Variants in IFT88 observed in about 807,000 individuals in gnomAD.
IFT88 encodes intraflagellar transport 88.
IFT88 carries 74 observed loss-of-function variants against 119.5 expected under a neutral mutation model. The ratio of observed to expected loss-of-function variants is 0.62; its 90% CI spans 0.51 to 0.75. IFT88 has a LOEUF of 0.75. Among genes scored for constraint, IFT88 ranks in the 30% least tolerant of loss-of-function variants. IFT88 has a pLI of 0.00. For missense variants in IFT88, 961 were observed against 977.7 expected (o/e 0.98, Z 0.23); for synonymous variants, 279 against 316.7 (o/e 0.88, Z 1.26).
chr13:20,640,593 A>C (rs1246809089), intron 17 of IFT88, among the ~76,000 whole-genome samples: 1 of 151,190 alleles, frequency 6.6e-6, no homozygotes, highest in African/African-American at 2.4e-5. Context: ...TAAATAAATA[A>C]ATAAATAAAT....
chr13:20,646,556 GATCC>G (rs1184251759), intron 20 of IFT88, among the ~76,000 whole-genome samples: 4 of 151,992 alleles, frequency 2.6e-5, no homozygotes, highest in Non-Finnish European at 5.9e-5. Flanking sequence ...GACCTCAAGT[GATCC>G]ATTCGCCTCA....
At position 20,621,706 on chromosome 13, in the gene IFT88, G is replaced by T. The variant is rs1440504279; in HGVS notation, c.1200-4044G>T. ...CCTCACCAATATGCCATCCCAGTAT[G>T]GTACATTTGTTACAATCAATGAACC... On this transcript the variant is annotated intron_variant, in intron 14 of 25. Coordinates refer to ENST00000351808, the MANE Select transcript of IFT88 (RefSeq NM_006531.5). Among the ~76,000 whole-genome samples, 10 of 152,020 alleles carry T rather than the reference G, an allele frequency of 6.6e-5. No individual in the cohort carries two copies. The East Asian group carries it at 1.9e-3, about 29-fold the overall frequency.
chr13:20,578,034 CTTTTTTTT>C (rs57202566), intron 2 of IFT88, among the ~76,000 whole-genome samples: 9 of 55,872 alleles, frequency 1.6e-4, no homozygotes, highest in Non-Finnish European at 2.9e-4. Flanking sequence ...CTTGTTACTT[CTTTTTTTT>C]TTTTTTTTTT....
At chr13:20,682,020 T>C (rs2057378101) in intron 24 of IFT88, among the ~76,000 whole-genome samples, 1 of 152,262 alleles carries the variant, frequency 6.6e-6, no homozygotes, top group African/African-American at 2.4e-5. Context: ...GGAAAGTGAT[T>C]ATCAAGAACA....
At chr13:20,574,334 A>G (rs77872986) in intron 1 of IFT88, 46 bp from the exon 2 acceptor site, 16,602 of 1,042,294 alleles carry the variant, frequency 0.016, 198 homozygotes, top group Non-Finnish European at 0.021. Context: ...ATATATATAT[A>G]TATTTCTTAT....
chr13:20,661,230 G>A (rs2053726670), intron 22 of IFT88, among the ~76,000 whole-genome samples: 1 of 152,192 alleles, frequency 6.6e-6, no homozygotes, highest in Non-Finnish European at 1.5e-5. Flanking sequence ...AGGTTTTACA[G>A]AGGAAGTAAC....
In IFT88 at chr13:20,603,650, C is replaced by T. The variant is rs151156613; in HGVS notation, c.1042-1385C>T. On this transcript the variant is annotated intron_variant, in intron 12 of 25. Coordinates refer to ENST00000351808, the MANE Select transcript of IFT88 (RefSeq NM_006531.5). ...GTGGCTCACACCTGTAATCCCAGCA[C>T]TTTGGGAGGCCGAGGTGGGAGGATT... Among the ~76,000 whole-genome samples the T allele has an allele frequency of 2.1e-3, 324 of 152,282 alleles. 1 individual carries two copies. Among genetic ancestry groups the T allele is most frequent in the African/African-American group, 7.0e-3 (291 of 41,566 alleles).
intron 22 of IFT88, among the ~76,000 whole-genome samples, chr13:20,658,997 T>C (rs2140715004): frequency 6.6e-6 from 1 of 152,336 alleles, no homozygotes; most frequent in South Asian, 2.1e-4. Context: ...TAATCAATAG[T>C]CTACCTTAAC....
intron 9 of IFT88, among the ~76,000 whole-genome samples, chr13:20,598,097 G>A (rs1008012856): frequency 4.6e-5 from 7 of 152,054 alleles, no homozygotes; most frequent in South Asian, 2.1e-4. Context: ...AAAAAAGGGC[G>A]TTTGAAATTT....
intron 9 of IFT88, among the ~76,000 whole-genome samples, chr13:20,598,081 A>G (rs1322721448): frequency 6.6e-6 from 1 of 152,164 alleles, no homozygotes; most frequent in Non-Finnish European, 1.5e-5. Flanking sequence ...TGCTAAACAC[A>G]TAGGAAAAAA....
chr13:20,650,292 C>T (rs1164748841), intron 20 of IFT88, among the ~76,000 whole-genome samples: 1 of 152,122 alleles, frequency 6.6e-6, no homozygotes, highest in African/African-American at 2.4e-5. Context: ...GTGGTATTTA[C>T]TCCTAGAATG....
intron 24 of IFT88, among the ~76,000 whole-genome samples, chr13:20,673,341 G>A (rs1387719839): frequency 6.6e-6 from 1 of 152,100 alleles, no homozygotes; most frequent in Non-Finnish European, 1.5e-5. Flanking sequence ...CCTCCTAATG[G>A]GATGTGATAG....
At position 20,597,239 on chromosome 13, in the gene IFT88, T is replaced by G. The variant is rs577298578; in HGVS notation, c.594+120T>G. 6 of 532,130 alleles carry G rather than the reference T, an allele frequency of 1.1e-5. No homozygotes were observed. The Admixed American group carries it at 1.5e-4, about 13-fold the overall frequency. 33.0% of individuals were successfully genotyped at this position (532,130 alleles called of 1,614,324 possible). On this transcript the variant is annotated intron_variant, in intron 9 of 25. Coordinates refer to ENST00000351808, the MANE Select transcript of IFT88 (RefSeq NM_006531.5). Reference sequence around the variant, plus strand: ...GGTCTTCAGGTGCTCACAATTAGATTAATAATAATCTTTAGTTCATAAAAC... The same window carrying G: ...GGTCTTCAGGTGCTCACAATTAGATGAATAATAATCTTTAGTTCATAAAAC...
intron 24 of IFT88, among the ~76,000 whole-genome samples, chr13:20,683,566 G>C (rs1431063139): frequency 2.0e-5 from 3 of 152,138 alleles, no homozygotes; most frequent in Non-Finnish European, 4.4e-5. Context: ...TACTTCAGGG[G>C]TTTTACCAAC....
At chr13:20,673,608 G>T (rs1431187016) in intron 24 of IFT88, among the ~76,000 whole-genome samples, 1 of 152,126 alleles carries the variant, frequency 6.6e-6, no homozygotes, top group Non-Finnish European at 1.5e-5. Flanking sequence ...ACTCGGCCAG[G>T]GACCTCCTCC....
chr13:20,682,874 A>G (rs944041902), intron 24 of IFT88, among the ~76,000 whole-genome samples: 40 of 152,242 alleles, frequency 2.6e-4, no homozygotes, highest in Admixed American at 2.6e-3. Flanking sequence ...GTTGTTTACC[A>G]CAGGAATTGT....
At chr13:20,599,618 C>A in intron 11 of IFT88, 53 bp downstream of exon 11, 1 of 791,286 alleles carries the variant, frequency 1.3e-6, no homozygotes, top group Non-Finnish European at 2.1e-6. Context: ...TTTTCTGAAA[C>A]AAGATAACTC....
chr13:20,657,006 G>A (rs980330524), intron 22 of IFT88, among the ~76,000 whole-genome samples: 12 of 152,064 alleles, frequency 7.9e-5, no homozygotes, highest in Non-Finnish European at 1.3e-4. Context: ...CTCTAGGCGC[G>A]CACCACCGTG....
Position 20,601,820 on chromosome 13 carries a change from A to C in IFT88, c.928A>C (p.Asn310His), listed in dbSNP as rs764026782. ...SMAPNLKAGY[N>H]LTICYFAIGD... The stretch of plus-strand genomic sequence containing the variant: ...GGCACCAAATCTGAAGGCAGGCTAC[A>C]ACCTAACTATCTGTTATTTTGCTAT... The change falls in exon 12 of 26, where the codon AAC becomes CAC. Residue 310 changes from asparagine (N) to histidine (H), a missense_variant. Transcript: ENST00000351808. The C allele has an allele frequency of 2.5e-6, 4 of 1,613,378 alleles. No homozygotes were observed. The highest frequency in any genetic ancestry group is 1.7e-5 in the Admixed American group (1 of 60,012).
Sources: allele counts gnomAD v4.1 joint callset (sites outside exome capture counted in the v4.1 genomes callset), GRCh38; gene constraint gnomAD v4.1.1; transcripts MANE v1.5; gene names NCBI Gene and HGNC (gene_info 2026-07-23, HGNC 2026-07-21).